Variants in ANK3 observed in about 807,000 individuals in gnomAD.
The protein encoded by ANK3 is ankyrin-3.
Under a neutral mutation model 370.9 loss-of-function variants are expected in ANK3, and 57 were observed. The observed-to-expected ratio is 0.15, with a 90% CI of 0.12 to 0.19. ANK3 has a LOEUF of 0.19. ANK3 is among the 10% of genes least tolerant of loss of function. The pLI, the probability that ANK3 is intolerant of heterozygous loss-of-function variation, is 1.00. For missense variants in ANK3, 4,439 were observed against 5,302.1 expected (o/e 0.84, Z 5.06); for synonymous variants, 1,929 against 1,946.3 (o/e 0.99, Z 0.23).
At chr10:60,555,577 G>T (rs984248847) in intron 2 of ANK3, among the ~76,000 whole-genome samples, 9 of 152,224 alleles carry the variant, frequency 5.9e-5, no homozygotes, top group Admixed American at 3.9e-4. Flanking sequence ...AGGCTACATT[G>T]TATTTTGAAT....
chr10:60,353,153 GTTTTGTTTTT>G (rs2057174236), intron 1 of ANK3, among the ~76,000 whole-genome samples: 1 of 135,844 alleles, frequency 7.4e-6, no homozygotes, highest in African/African-American at 2.7e-5. Context: ...GCTAATTTTT[GTTTTGTTTTT>G]TTTTTTTTTT....
chr10:60,579,361 G>T (rs1234787404), intron 2 of ANK3, among the ~76,000 whole-genome samples: 4 of 144,932 alleles, frequency 2.8e-5, no homozygotes, highest in Non-Finnish European at 6.1e-5. Context: ...GATATTTCTA[G>T]TTGCAAAATA....
chr10:60,122,366 G>A (rs2093531322), intron 25 of ANK3, among the ~76,000 whole-genome samples: 3 of 152,104 alleles, frequency 2.0e-5, no homozygotes, highest in Admixed American at 1.3e-4. Flanking sequence ...CCTGGCCTGG[G>A]CCAGCACCAC....
intron 1 of ANK3, among the ~76,000 whole-genome samples, chr10:60,309,068 A>C (rs2045800390): frequency 6.6e-6 from 1 of 152,204 alleles, no homozygotes; most frequent in African/African-American, 2.4e-5. Flanking sequence ...AATAGAAATA[A>C]GAAAAGATAC....
intron 43 of ANK3, among the ~76,000 whole-genome samples, chr10:60,031,574 G>T (rs115291201): frequency 9.3e-4 from 141 of 152,300 alleles, no homozygotes; most frequent in African/African-American, 3.2e-3. Flanking sequence ...AGTAAGGCAA[G>T]AACAATTTTA....
chr10:60,564,381 A>G (rs1049559540), intron 2 of ANK3, among the ~76,000 whole-genome samples: 4 of 152,216 alleles, frequency 2.6e-5, no homozygotes, highest in African/African-American at 7.2e-5. Context: ...CTGCTCAACA[A>G]CAAAAGACTT....
In ANK3 at chr10:60,629,053, C is replaced by T. The variant is rs746183596; in HGVS notation, c.58-13829G>A. Among the ~76,000 whole-genome samples, 19 of 152,000 alleles carry T rather than the reference C, an allele frequency of 1.3e-4. No individual in the cohort carries two copies. The East Asian group carries it at 2.5e-3, about 20-fold the overall frequency. On this transcript the variant is annotated intron_variant, in intron 1 of 43. Transcript: ENST00000373827. ...TCTTTTGAAAAGCCACATTGAGCAA[C>T]GAGTCACCAGGTGATTTCCCTTCTT...
chr10:60,209,429 C>T lies in ANK3; in HGVS notation c.997-1196G>A, dbSNP rs140630993. On this transcript the variant is annotated intron_variant, in intron 9 of 43. Coordinates refer to ENST00000280772, the MANE Select transcript of ANK3 (RefSeq NM_020987.5). ...ATAAGCTCCTTGTTAACCATTCTAA[C>T]GGCATTATCCACTCTCTGACATATA... Among the ~76,000 whole-genome samples, 316 of 152,254 alleles carry T rather than the reference C, an allele frequency of 2.1e-3. 1 individual carries two copies. The highest frequency in any genetic ancestry group is 4.7e-3 in the African/African-American group (195 of 41,546).
intron 25 of ANK3, among the ~76,000 whole-genome samples, chr10:60,122,484 T>C (rs182843969): frequency 6.6e-6 from 1 of 152,342 alleles, no homozygotes; most frequent in African/African-American, 2.4e-5. Context: ...ATAAAGGAGA[T>C]ATTTTGTCAT....
At chr10:60,300,175 AT>A in intron 1 of ANK3, 1 of 435,298 alleles carries the variant, frequency 2.3e-6, no homozygotes, top group Non-Finnish European at 4.5e-6. Context: ...TCCTACACAT[AT>A]TTAACTCAAG....
At chr10:60,348,272 C>T (rs1388328989) in intron 1 of ANK3, among the ~76,000 whole-genome samples, 7 of 149,408 alleles carry the variant, frequency 4.7e-5, no homozygotes, top group Admixed American at 3.4e-4. Context: ...GACACAGAAA[C>T]CTGCTGGGAT....
At chr10:60,572,675 C>G in intron 2 of ANK3, 2 of 1,431,764 alleles carry the variant, frequency 1.4e-6, no homozygotes, top group Non-Finnish European at 1.8e-6. Flanking sequence ...AACCCAGCCC[C>G]TGCTGCTGTC....
At chr10:60,076,479 C>A in intron 36 of ANK3, 31 bp from the exon 37 acceptor site, 2 of 1,529,300 alleles carry the variant, frequency 1.3e-6, no homozygotes, top group Admixed American at 2.2e-5. Flanking sequence ...TGAAATCAAA[C>A]ACAAAAATCA....
chr10:60,484,706 C>T (rs1021754934), intron 2 of ANK3, among the ~76,000 whole-genome samples: 4 of 152,070 alleles, frequency 2.6e-5, no homozygotes, highest in African/African-American at 7.2e-5. Flanking sequence ...ATTGCACAGG[C>T]GAAAACAAAG....
chr10:60,633,358 T>C (rs1458030622), intron 1 of ANK3, among the ~76,000 whole-genome samples: 1 of 152,194 alleles, frequency 6.6e-6, no homozygotes, highest in African/African-American at 2.4e-5. Context: ...AAAGTTATTT[T>C]TAAGTGTTAT....
chr10:60,230,360 G>A (rs930002744), intron 8 of ANK3, among the ~76,000 whole-genome samples: 8 of 152,164 alleles, frequency 5.3e-5, no homozygotes, highest in Non-Finnish European at 1.2e-4. Flanking sequence ...TTGTGATCTT[G>A]TTGAAAAAAT....
At chr10:60,112,292 A>G (rs2092770816) in intron 26 of ANK3, among the ~76,000 whole-genome samples, 1 of 149,758 alleles carries the variant, frequency 6.7e-6, no homozygotes, top group African/African-American at 2.5e-5. Context: ...GATTCAAAAA[A>G]CTCTTCAACA....
At chr10:60,190,246 T>C (rs926148162) in intron 16 of ANK3, among the ~76,000 whole-genome samples, 1 of 152,220 alleles carries the variant, frequency 6.6e-6, no homozygotes, top group Non-Finnish European at 1.5e-5. Context: ...GGATGTGATC[T>C]GATGATGAGT....
rs773881233 is a variant in ANK3 at position 60,084,709 on chromosome 10, G to A, written c.3967C>T (p.Pro1323Ser). Reference sequence around the variant, plus strand: ...AAACATCGCAAGGAAGATTCTACGGGATCATTCATTTTGGCAAAAACAACA... The same window carrying A: ...AAACATCGCAAGGAAGATTCTACGGAATCATTCATTTTGGCAAAAACAACA... Reference protein sequence around the residue: ...KFVVFAKMNDPVESSLRCFCM... With the variant: ...KFVVFAKMNDSVESSLRCFCM... Residue 1323 changes from proline (P) to serine (S), a missense_variant, in exon 32 of 44, where the codon CCC becomes TCC. This residue lies in a region of ANK3 where 702 missense variants were observed against 941.5 expected (regional missense o/e 0.75). Coordinates refer to ENST00000280772, the MANE Select transcript of ANK3 (RefSeq NM_020987.5). The A allele has an allele frequency of 3.1e-6, 5 of 1,613,546 alleles. No homozygotes were observed. The highest frequency in any genetic ancestry group is 3.4e-6 in the Non-Finnish European group (4 of 1,179,846).
Sources: allele counts gnomAD v4.1 joint callset (sites outside exome capture counted in the v4.1 genomes callset), GRCh38; gene constraint gnomAD v4.1.1; regional missense constraint gnomAD v4.1.1; transcripts MANE v1.5; gene names NCBI Gene and HGNC (gene_info 2026-07-23, HGNC 2026-07-21).